The following ZFHX3 variants were observed in gnomAD, a reference collection of about 807,000 sequenced individuals.
ZFHX3 encodes zinc finger homeobox protein 3.
In ZFHX3, 42 loss-of-function variants were observed where a neutral mutation model predicts 279.1. The observed-to-expected ratio is 0.15, with a 90% CI of 0.12 to 0.19. The LOEUF (loss-of-function observed/expected upper bound fraction) is 0.19, where lower values mean the gene tolerates loss of function less well. Ranked by LOEUF, ZFHX3 falls within the 10% of genes least tolerant of loss-of-function variation. ZFHX3 has a pLI of 1.00. For missense variants in ZFHX3, 4,981 were observed against 4,754.0 expected, an observed-to-expected ratio of 1.05 and a Z score of -1.40; for synonymous variants, 2,293 against 1,957.8, an observed-to-expected ratio of 1.17 and a Z score of -4.52.
At chr16:72,893,069 G>A (rs1022995683) in intron 3 of ZFHX3, among the ~76,000 whole-genome samples, 3 of 152,136 alleles carry the variant, frequency 2.0e-5, no homozygotes, top group Admixed American at 6.5e-5. Context: ...TCCTAAAACC[G>A]AGGAGCTGGA....
At chr16:73,841,297 T>A (rs934005301) in intron 1 of ZFHX3, among the ~76,000 whole-genome samples, 1 of 151,996 alleles carries the variant, frequency 6.6e-6, no homozygotes, top group Non-Finnish European at 1.5e-5. Context: ...GGTTGCTGGG[T>A]ATCCTGTGGA....
intron 2 of ZFHX3, among the ~76,000 whole-genome samples, chr16:73,543,706 A>G (rs1010507437): frequency 6.6e-5 from 10 of 152,022 alleles, no homozygotes; most frequent in African/African-American, 2.4e-4. Context: ...TCCTCTGCCC[A>G]AGTCCCCCGC....
intron 3 of ZFHX3, among the ~76,000 whole-genome samples, chr16:73,398,701 T>C (rs904857522): frequency 4.6e-5 from 7 of 152,212 alleles, no homozygotes; most frequent in Non-Finnish European, 8.8e-5. Flanking sequence ...GATCCCCAGA[T>C]GCCATCTGAC....
chr16:73,656,396 T>G (rs941298313), intron 2 of ZFHX3, among the ~76,000 whole-genome samples: 1 of 152,222 alleles, frequency 6.6e-6, no homozygotes, highest in African/African-American at 2.4e-5. Context: ...TACATTATAT[T>G]GTTTAGGGAT....
intron 2 of ZFHX3, chr16:73,679,434 C>T (rs2052988106): frequency 6.6e-6 from 1 of 152,156 alleles, no homozygotes; most frequent in African/African-American, 2.4e-5. Context: ...CCTATGGGGA[C>T]AGCAAAGAGG....
At chr16:72,986,884 A>T (rs1962870424) in intron 1 of ZFHX3, among the ~76,000 whole-genome samples, 1 of 152,104 alleles carries the variant, frequency 6.6e-6, no homozygotes, top group Non-Finnish European at 1.5e-5. Flanking sequence ...AGTGGCTCAT[A>T]CCTGTAATTC....
intron 4 of ZFHX3, among the ~76,000 whole-genome samples, chr16:72,881,362 C>G (rs978825171): frequency 2.6e-5 from 4 of 151,232 alleles, no homozygotes; most frequent in Non-Finnish European, 5.9e-5. Flanking sequence ...GGCCACAAAA[C>G]TTTCCACTGC....
chr16:73,784,289 A>G (rs1293337741), intron 1 of ZFHX3, among the ~76,000 whole-genome samples: 3 of 152,122 alleles, frequency 2.0e-5, no homozygotes, highest in African/African-American at 7.2e-5. Flanking sequence ...AAACGATAAA[A>G]TACATATCAA....
chr16:73,169,172 A>G (rs1193193972), intron 5 of ZFHX3, among the ~76,000 whole-genome samples: 1 of 152,188 alleles, frequency 6.6e-6, no homozygotes, highest in Non-Finnish European at 1.5e-5. Context: ...TCATTTGTTC[A>G]ATGCATATTG....
intron 1 of ZFHX3, among the ~76,000 whole-genome samples, chr16:72,971,129 A>G (rs180941236): frequency 7.9e-5 from 12 of 152,342 alleles, no homozygotes; most frequent in Non-Finnish European, 1.0e-4. Context: ...AACCTAATTT[A>G]GTATGAAATT....
At chr16:73,592,548 A>T (rs947242111) in intron 2 of ZFHX3, among the ~76,000 whole-genome samples, 6 of 152,210 alleles carry the variant, frequency 3.9e-5, no homozygotes, top group African/African-American at 1.4e-4. Flanking sequence ...TAAAATATTT[A>T]TGAAGCAAAT....
intron 3 of ZFHX3, among the ~76,000 whole-genome samples, chr16:73,452,773 G>C (rs755645343): frequency 8.5e-5 from 13 of 152,220 alleles, no homozygotes; most frequent in African/African-American, 2.7e-4. Context: ...TTCAAATGAA[G>C]TGAGGAATTG....
chr16:72,832,614 C>T (rs1001864771), intron 4 of ZFHX3, among the ~76,000 whole-genome samples: 2 of 152,172 alleles, frequency 1.3e-5, no homozygotes, highest in Non-Finnish European at 2.9e-5. Flanking sequence ...TTACGAAAAT[C>T]CTGGATAAGC....
At chr16:73,090,804 G>T (rs1966066165) in intron 8 of ZFHX3, among the ~76,000 whole-genome samples, 1 of 151,028 alleles carries the variant, frequency 6.6e-6, no homozygotes, top group Non-Finnish European at 1.5e-5. Flanking sequence ...CTAGCTACTT[G>T]AGAGGCTGAG....
At chr16:73,164,561 G>T (rs966103786) in intron 5 of ZFHX3, among the ~76,000 whole-genome samples, 2 of 152,072 alleles carry the variant, frequency 1.3e-5, no homozygotes, top group Admixed American at 6.5e-5. Flanking sequence ...CTAGCCAGGC[G>T]CAGTGGCATA....
At chr16:73,855,261 G>A (rs568606899) in intron 1 of ZFHX3, among the ~76,000 whole-genome samples, 37 of 97,410 alleles carry the variant, frequency 3.8e-4, no homozygotes, top group Non-Finnish European at 5.2e-4. Flanking sequence ...TTCGTTCAAT[G>A]TCCCACATTT....
At chr16:72,976,847 G>A (rs1404244802) in intron 1 of ZFHX3, among the ~76,000 whole-genome samples, 1 of 152,170 alleles carries the variant, frequency 6.6e-6, no homozygotes, top group Non-Finnish European at 1.5e-5. Flanking sequence ...CAGTGCTGGG[G>A]AACCCGGAGG....
chr16:73,656,221 C>G (rs2052719733), intron 2 of ZFHX3, among the ~76,000 whole-genome samples: 1 of 152,182 alleles, frequency 6.6e-6, no homozygotes, highest in African/African-American at 2.4e-5. Context: ...CCACAGAAAT[C>G]ATGTGGTCCA....
intron 2 of ZFHX3, among the ~76,000 whole-genome samples, chr16:73,578,019 G>C (rs1432315681): frequency 7.9e-5 from 12 of 152,336 alleles, no homozygotes; most frequent in Non-Finnish European, 1.6e-4. Context: ...CAAACTGGTT[G>C]TTGAACAATC....
Sources: gnomAD v4.1 joint callset for allele counts (sites outside exome capture counted in the v4.1 genomes callset) on GRCh38, gnomAD v4.1.1 for gene constraint, MANE v1.5 for transcripts, NCBI Gene and HGNC (gene_info 2026-07-23, HGNC 2026-07-21) for gene names.